The following SHISA6 variants were observed in gnomAD, a reference collection of about 807,000 sequenced individuals.
SHISA6 encodes the protein protein shisa-6.
Under a neutral mutation model 47.9 loss-of-function variants are expected in SHISA6, and 22 were observed. The ratio of observed to expected loss-of-function variants is 0.46; its 90% CI spans 0.33 to 0.66. The LOEUF (loss-of-function observed/expected upper bound fraction) is 0.66, where lower values mean the gene tolerates loss of function less well. Among genes scored for constraint, SHISA6 ranks in the 30% least tolerant of loss-of-function variants. The pLI is 0.02. For missense variants in SHISA6, 680 were observed against 764.6 expected, an observed-to-expected ratio of 0.89 and a Z score of 1.30; for synonymous variants, 388 against 337.8, an observed-to-expected ratio of 1.15 and a Z score of -1.63.
chr17:11,521,325 T>G (rs1365091698), intron 3 of SHISA6, among the ~76,000 whole-genome samples: 1 of 152,216 alleles, frequency 6.6e-6, no homozygotes, highest in East Asian at 1.9e-4. Flanking sequence ...TTTCATAAAT[T>G]CCCAATATCA....
At chr17:11,503,762 C>G (rs550759146) in intron 3 of SHISA6, among the ~76,000 whole-genome samples, 1 of 152,336 alleles carries the variant, frequency 6.6e-6, no homozygotes, top group African/African-American at 2.4e-5. Flanking sequence ...CATCTGCTGT[C>G]TGTATCCTAT....
chr17:11,547,388 A>T (rs1052172350), intron 3 of SHISA6, among the ~76,000 whole-genome samples: 21 of 152,254 alleles, frequency 1.4e-4, no homozygotes, highest in Non-Finnish European at 2.9e-4. Context: ...ACAGTACAAT[A>T]CAATAGAAAA....
At chr17:11,404,517 C>A (rs902266937) in intron 3 of SHISA6, among the ~76,000 whole-genome samples, 2 of 152,192 alleles carry the variant, frequency 1.3e-5, no homozygotes, top group African/African-American at 4.8e-5. Context: ...TTCTGTTTGA[C>A]TGACCACCCC....
chr17:11,312,242 T>G (rs1340836384), intron 2 of SHISA6, among the ~76,000 whole-genome samples: 1 of 152,178 alleles, frequency 6.6e-6, no homozygotes, highest in Non-Finnish European at 1.5e-5. Flanking sequence ...CTGAGTTTTA[T>G]TATCTAATAT....
At chr17:11,409,573 G>A (rs1226506429) in intron 3 of SHISA6, among the ~76,000 whole-genome samples, 1 of 151,964 alleles carries the variant, frequency 6.6e-6, no homozygotes, top group Non-Finnish European at 1.5e-5. Context: ...GAGTGGTGGC[G>A]CTTGCCTGTA....
At chr17:11,256,023 A>G (rs1907994581) in intron 1 of SHISA6, among the ~76,000 whole-genome samples, 1 of 151,962 alleles carries the variant, frequency 6.6e-6, no homozygotes, top group South Asian at 2.1e-4. Context: ...TTTTGGTCTT[A>G]TTTTTTCAAC....
At chr17:11,515,318 AAGGAAGGAAGG>A (rs2071575814) in intron 3 of SHISA6, among the ~76,000 whole-genome samples, 2 of 51,586 alleles carry the variant, frequency 3.9e-5, no homozygotes, top group Non-Finnish European at 9.2e-5. Context: ...AAGAAAAAGG[AAGGAAGGAAGG>A]AAGGAAGGAA....
At chr17:11,386,870 T>C (rs1379350430) in intron 3 of SHISA6, among the ~76,000 whole-genome samples, 2 of 152,164 alleles carry the variant, frequency 1.3e-5, no homozygotes, top group Admixed American at 1.3e-4. Flanking sequence ...CCATCCCGGG[T>C]TGCCCAGGAC....
intron 3 of SHISA6, among the ~76,000 whole-genome samples, chr17:11,423,326 TATAGATAG>T (rs57338481): frequency 0.084 from 12,009 of 142,550 alleles, 600 homozygotes; most frequent in African/African-American, 0.14. Flanking sequence ...GTAACATATA[TATAGATAG>T]ATAGATAGAT....
rs1181931478 is a variant in SHISA6 at position 11,353,469 on chromosome 17, AAG to A, written c.800-25944_800-25943del. ...AGACTCCGTCTAAAAAAAAAAAAAA[AAG>A]GGTGAGGCGGGGGGTCCTCAACCAG... On this transcript the variant is annotated intron_variant, in intron 2 of 5. Transcript: ENST00000441885. Among the ~76,000 whole-genome samples, 844 of 151,842 alleles carry A rather than the reference AAG, an allele frequency of 5.6e-3. 8 individuals are homozygous for A. Among genetic ancestry groups the A allele is most frequent in the African/African-American group, 0.018 (743 of 41,390 alleles).
At chr17:11,431,296 C>G (rs564374614) in intron 3 of SHISA6, among the ~76,000 whole-genome samples, 1 of 152,282 alleles carries the variant, frequency 6.6e-6, no homozygotes, top group African/African-American at 2.4e-5. Context: ...CAGCTGCACC[C>G]TCCACACAGG....
At chr17:11,249,537 C>T (rs1907724521) in intron 1 of SHISA6, among the ~76,000 whole-genome samples, 1 of 152,044 alleles carries the variant, frequency 6.6e-6, no homozygotes, top group African/African-American at 2.4e-5. Flanking sequence ...TGGGGGTTTT[C>T]CCTGTAATGT....
At chr17:11,257,610 G>A (rs753245431) in intron 1 of SHISA6, among the ~76,000 whole-genome samples, 7 of 150,218 alleles carry the variant, frequency 4.7e-5, no homozygotes, top group Non-Finnish European at 8.8e-5. Context: ...GCAGCGAGCC[G>A]TGATCTCACC....
intron 2 of SHISA6, among the ~76,000 whole-genome samples, chr17:11,365,215 G>A (rs1379818807): frequency 6.6e-6 from 1 of 152,018 alleles, no homozygotes; most frequent in Non-Finnish European, 1.5e-5. Flanking sequence ...TACTATTCAG[G>A]TAAAGAAATC....
chr17:11,489,845 T>G (rs1221297442), intron 3 of SHISA6, among the ~76,000 whole-genome samples: 4 of 152,284 alleles, frequency 2.6e-5, no homozygotes, highest in South Asian at 2.1e-4. Flanking sequence ...CTAAACATCC[T>G]ACAATGCACA....
intron 2 of SHISA6, among the ~76,000 whole-genome samples, chr17:11,323,428 G>A (rs1011499302): frequency 2.0e-5 from 3 of 152,098 alleles, no homozygotes; most frequent in Non-Finnish European, 2.9e-5. Flanking sequence ...GCCGAGGCGG[G>A]TGGATCACCT....
chr17:11,500,957 G>A (rs559190061), intron 3 of SHISA6, among the ~76,000 whole-genome samples: 9 of 152,288 alleles, frequency 5.9e-5, no homozygotes, highest in African/African-American at 1.9e-4. Flanking sequence ...TACAAGTGCT[G>A]TAAGTGGTGT....
At chr17:11,336,661 A>G (rs1261545686) in intron 2 of SHISA6, among the ~76,000 whole-genome samples, 1 of 152,192 alleles carries the variant, frequency 6.6e-6, no homozygotes, top group Non-Finnish European at 1.5e-5. Context: ...TCTAACAGTG[A>G]TTGGACAGAA....
intron 2 of SHISA6, among the ~76,000 whole-genome samples, chr17:11,349,176 G>T (rs1190136666): frequency 6.6e-6 from 1 of 152,124 alleles, no homozygotes; most frequent in African/African-American, 2.4e-5. Flanking sequence ...TAAAAATTTG[G>T]CTGGAGTTCC....
Sources: gnomAD v4.1 joint callset for allele counts (sites outside exome capture counted in the v4.1 genomes callset) on GRCh38, gnomAD v4.1.1 for gene constraint, MANE v1.5 for transcripts, NCBI Gene and HGNC (gene_info 2026-07-23, HGNC 2026-07-21) for gene names.